FLRT2: variants seen among roughly 807,000 people sequenced by gnomAD.
FLRT2 encodes fibronectin leucine rich transmembrane protein 2, also known as leucine-rich repeat transmembrane protein FLRT2.
A neutral mutation model predicts 40.0 loss-of-function variants in FLRT2; 15 were observed. The ratio of observed to expected loss-of-function variants is 0.38; its 90% CI spans 0.25 to 0.58. FLRT2 has a LOEUF of 0.58. Ranked by LOEUF, FLRT2 falls within the 20% of genes least tolerant of loss-of-function variation. The pLI, the probability that FLRT2 is intolerant of heterozygous loss-of-function variation, is 0.71. For missense variants in FLRT2, 726 were observed against 840.0 expected, an observed-to-expected ratio of 0.86 and a Z score of 1.68; for synonymous variants, 380 against 336.8, an observed-to-expected ratio of 1.13 and a Z score of -1.41.
chr14:85,559,392 AAAG>A (rs1367239093), intron 1 of FLRT2: 3 of 152,238 alleles, frequency 2.0e-5, no homozygotes, highest in African/African-American at 7.2e-5. Context: ...GCTGAGCAGA[AAAG>A]AAGAAGGAAT....
chr14:85,620,543 C>T (rs778383586), intron 1 of FLRT2, among the ~76,000 whole-genome samples: 9 of 152,034 alleles, frequency 5.9e-5, no homozygotes, highest in Non-Finnish European at 1.2e-4. Context: ...TATTCAGCTA[C>T]AGCTTTTTTA....
chr14:85,602,730 C>A, intron 1 of FLRT2, among the ~76,000 whole-genome samples: 1 of 152,290 alleles, frequency 6.6e-6, no homozygotes, highest in African/African-American at 2.4e-5. Context: ...AAACAAGTTG[C>A]TGGAGTGTCA....
chr14:85,533,641 G>A (rs927651369), intron 1 of FLRT2, among the ~76,000 whole-genome samples: 3 of 152,140 alleles, frequency 2.0e-5, no homozygotes, highest in African/African-American at 7.2e-5. Context: ...GAAGGCGGGG[G>A]TCGCGGCGGC....
At chr14:85,597,245 T>C (rs1471554380) in intron 1 of FLRT2, among the ~76,000 whole-genome samples, 1 of 151,748 alleles carries the variant, frequency 6.6e-6, no homozygotes, top group East Asian at 1.9e-4. Flanking sequence ...GAGAGAAAGA[T>C]GAAGAGAAAT....
At position 85,650,083 on chromosome 14, in the gene FLRT2, C is replaced by T. The variant is rs1225066816; in HGVS notation, c.*26586C>T. The T allele has an allele frequency of 6.6e-6, 1 of 151,960 alleles. No individual in the cohort carries two copies. The allele number at this position is 151,960 out of a possible 1,614,324, so 9.4% of individuals were successfully genotyped here. A position where few individuals can be genotyped will look rare whatever the true frequency, so the allele number is the denominator to read the frequency against. On this transcript the variant is annotated 3_prime_UTR_variant, in exon 2 of 2. Coordinates refer to ENST00000330753, the MANE Select transcript of FLRT2 (RefSeq NM_013231.6). ...AAAAATTACAAATACAATTGAAGCC[C>T]TTGAACCCCTCACCTGTCACACTAT...
chr14:85,545,725 G>A (rs1889242453), intron 1 of FLRT2, among the ~76,000 whole-genome samples: 1 of 152,206 alleles, frequency 6.6e-6, no homozygotes, highest in Non-Finnish European at 1.5e-5. Flanking sequence ...CACATTTTCA[G>A]TACTAAGGAA....
rs1484796701 is a variant in FLRT2 at position 85,627,852 on chromosome 14, A to G, written c.*4355A>G. The G allele has an allele frequency of 6.0e-6, 1 of 167,110 alleles. No individual in the cohort carries two copies. Among genetic ancestry groups the G allele is most frequent in the Non-Finnish European group, 1.5e-5 (1 of 68,126 alleles). The allele number at this position is 167,110 out of a possible 1,614,324, so 10.4% of individuals were successfully genotyped here. On this transcript the variant is annotated 3_prime_UTR_variant, in exon 2 of 2. Coordinates refer to ENST00000330753, the MANE Select transcript of FLRT2 (RefSeq NM_013231.6). ...GACCTACCATGTCGCACACTTTGTT[A>G]ATGACAAACTTCACTCTACACTATA...
At position 85,597,029 on chromosome 14, in the gene FLRT2, TA is replaced by T. The variant is rs200389143; in HGVS notation, c.-376-24109del. 2.5e-3 allele frequency among the ~76,000 whole-genome samples: 375 copies of T among 152,254 alleles called. 7 individuals carry two copies. Among genetic ancestry groups the T allele is most frequent in the Admixed American group, 0.018 (282 of 15,290 alleles). On this transcript the variant is annotated intron_variant, in intron 1 of 1. Transcript: ENST00000330753. ...TTTTATTGCGTTGAGATGAAAAAAA[TA>T]GAGAGGAACACCAGCATTTGCTATC...
rs1690286854 is a variant in FLRT2 at position 85,623,569 on chromosome 14, A to G, written c.*72A>G. 4.2e-6 allele frequency: 5 copies of G among 1,199,012 alleles called. No individual in the cohort carries two copies. Among genetic ancestry groups the G allele is most frequent in the Non-Finnish European group, 5.5e-6 (5 of 905,038 alleles). The allele number at this position is 1,199,012 out of a possible 1,614,324, so 74.3% of individuals were successfully genotyped here. ...AACACACTCGTGTGTGCACATAAAGACACGCAGATTACATTTGATAAATGT... is the reference window on the plus strand; with the variant it reads ...AACACACTCGTGTGTGCACATAAAGGCACGCAGATTACATTTGATAAATGT... On this transcript the variant is annotated 3_prime_UTR_variant, in exon 2 of 2. Transcript: ENST00000330753.
Position 85,622,795 on chromosome 14 carries a change from CT to C in FLRT2, c.1282del (p.Ser428LeufsTer5). ...CACCTATTTCTGAACGGATCCAGCT[CT>C]CTATCCATTTTGTGAATGATACTTC... ...TPPISERIQL[S>X]IHFVNDTSIQ... On this transcript the variant is annotated frameshift_variant, in exon 2 of 2. Transcript: ENST00000330753. LOFTEE classifies it high-confidence loss of function. 1 of 1,614,192 alleles carries C rather than the reference CT, an allele frequency of 6.2e-7. No homozygotes were observed. The highest frequency in any genetic ancestry group is 8.5e-7 in the Non-Finnish European group (1 of 1,180,028).
intron 1 of FLRT2, among the ~76,000 whole-genome samples, chr14:85,538,545 ATAC>A (rs1888805257): frequency 3.1e-5 from 1 of 32,316 alleles, no homozygotes; most frequent in Non-Finnish European, 1.4e-4. Context: ...TTCACATGTC[ATAC>A]TGTTATATTT....
At position 85,558,543 on chromosome 14, in the gene FLRT2, G is replaced by A. The variant is rs1401728133; in HGVS notation, c.-377+28009G>A. Reference sequence around the variant, plus strand: ...CATTTTTCTTCCAGAGACATGAGGAGAATTGAAATGCAGTTTCAAAGGAGG... The same window carrying A: ...CATTTTTCTTCCAGAGACATGAGGAAAATTGAAATGCAGTTTCAAAGGAGG... On this transcript the variant is annotated intron_variant, in intron 1 of 1. Coordinates refer to ENST00000330753, the MANE Select transcript of FLRT2 (RefSeq NM_013231.6). Among the ~76,000 whole-genome samples the A allele has an allele frequency of 7.9e-5, 12 of 152,296 alleles. 1 individual carries two copies. In the East Asian group the frequency reaches 2.3e-3, roughly 29 times the overall value.
At chr14:85,554,294 T>G (rs1889825155) in intron 1 of FLRT2, among the ~76,000 whole-genome samples, 1 of 152,148 alleles carries the variant, frequency 6.6e-6, no homozygotes, top group African/African-American at 2.4e-5. Context: ...CAAAATACAT[T>G]GTAGAAGATA....
At position 85,623,479 on chromosome 14, in the gene FLRT2, G is replaced by A; in HGVS notation, c.1965G>A (p.Leu655=). ...MRYCNSSVPD[L]EHCHT ...ACTGCAACAGCAGCGTGCCAGACCT[G>A]GAGCACTGCCATACGTGACAGCCAG... The change falls in exon 2 of 2, where the codon CTG becomes CTA. Residue 655 remains leucine, a synonymous_variant. Transcript: ENST00000330753. 1 of 1,445,518 alleles carries A rather than the reference G, an allele frequency of 6.9e-7. No individual in the cohort carries two copies. The highest frequency in any genetic ancestry group is 9.1e-7 in the Non-Finnish European group (1 of 1,099,096). 89.5% of individuals were successfully genotyped at this position (1,445,518 alleles called of 1,614,324 possible). A position where few individuals can be genotyped will look rare whatever the true frequency, so the allele number is the denominator to read the frequency against.
chr14:85,566,556 T>TGTGTGTGTGC lies in FLRT2; in HGVS notation c.-377+36031_-377+36032insCGTGTGTGTG, dbSNP rs1555366639. The stretch of plus-strand genomic sequence containing the variant: ...TCCTCTTAACTTCCATGGTTGTGTG[T>TGTGTGTGTGC]GTGTGTGTGTGTGTGTGTGTGCAAG... On this transcript the variant is annotated intron_variant, in intron 1 of 1. Transcript: ENST00000330753. Among the ~76,000 whole-genome samples the TGTGTGTGTGC allele has an allele frequency of 1.4e-4, 20 of 139,078 alleles. No individual in the cohort carries two copies. In the South Asian group the frequency reaches 3.7e-3, roughly 26 times the overall value. 91.2% of individuals were successfully genotyped at this position (139,078 alleles called of 152,430 possible). A position where few individuals can be genotyped will look rare whatever the true frequency, so the allele number is the denominator to read the frequency against.
chr14:85,598,977 G>GCACA (rs1892261971), intron 1 of FLRT2, among the ~76,000 whole-genome samples: 1 of 146,902 alleles, frequency 6.8e-6, no homozygotes, highest in Admixed American at 7.0e-5. Context: ...GAGTGCAGTG[G>GCACA]CACAGTCTTG....
In FLRT2 at chr14:85,643,042, C is replaced by G. The variant is rs1051318017; in HGVS notation, c.*19545C>G. The G allele has an allele frequency of 2.6e-5, 4 of 152,158 alleles. No individual in the cohort carries two copies. The highest frequency in any genetic ancestry group is 9.7e-5 in the African/African-American group (4 of 41,444). 9.4% of individuals were successfully genotyped at this position (152,158 alleles called of 1,614,324 possible). On this transcript the variant is annotated 3_prime_UTR_variant, in exon 2 of 2. Transcript: ENST00000330753. ...TGTAAACAACTGCCCTCAGAAGGCT[C>G]TCTCCTGTCTCTTTTTATTAGGTCA... is the stretch of plus-strand genomic sequence containing the variant.
chr14:85,612,330 T>A (rs2139354157), intron 1 of FLRT2, among the ~76,000 whole-genome samples: 1 of 152,260 alleles, frequency 6.6e-6, no homozygotes, highest in Non-Finnish European at 1.5e-5. Flanking sequence ...GGAGAACACA[T>A]CTCAGAATTC....
chr14:85,572,370 A>G (rs1227759085), intron 1 of FLRT2, among the ~76,000 whole-genome samples: 1 of 151,820 alleles, frequency 6.6e-6, no homozygotes. Flanking sequence ...GTGTACTTTT[A>G]TGTTCTTTTG....
Sources: allele counts gnomAD v4.1 joint callset (sites outside exome capture counted in the v4.1 genomes callset), GRCh38; gene constraint gnomAD v4.1.1; transcripts MANE v1.5; gene names NCBI Gene and HGNC (gene_info 2026-07-23, HGNC 2026-07-21).